Variants in CFAP70 observed in about 807,000 individuals in gnomAD.
The protein encoded by CFAP70 is cilia- and flagella-associated protein 70.
In CFAP70, 81 loss-of-function variants were observed where a neutral mutation model predicts 137.6. That is an observed-to-expected ratio of 0.59 (90% CI 0.49 to 0.71). CFAP70 has a LOEUF of 0.71. Ranked by LOEUF, CFAP70 falls within the 30% of genes least tolerant of loss-of-function variation. The pLI is 0.00. For missense variants in CFAP70, 976 were observed against 1,226.7 expected, an observed-to-expected ratio of 0.80 and a Z score of 3.05; for synonymous variants, 382 against 423.6, an observed-to-expected ratio of 0.90 and a Z score of 1.20.
At chr10:73,344,027 A>G (rs867846793) in intron 5 of CFAP70, among the ~76,000 whole-genome samples, 2 of 151,920 alleles carry the variant, frequency 1.3e-5, no homozygotes, top group Non-Finnish European at 2.9e-5. Context: ...TCTTGGCGCA[A>G]TCTTGGCTCA....
chr10:73,361,035 G>A (rs1413157518), upstream of CFAP70, among the ~76,000 whole-genome samples: 1 of 149,388 alleles, frequency 6.7e-6, no homozygotes, highest in African/African-American at 2.5e-5. Context: ...GTCTCACTCT[G>A]TAGCCCAGGC....
At chr10:73,272,225 C>G (rs1044562129) in intron 24 of CFAP70, among the ~76,000 whole-genome samples, 2 of 151,938 alleles carry the variant, frequency 1.3e-5, no homozygotes, top group Non-Finnish European at 1.5e-5. Context: ...ATCCCAGCTA[C>G]TCAGGAGGCT....
intron 1 of CFAP70, among the ~76,000 whole-genome samples, chr10:73,356,116 T>C (rs1468278821): frequency 6.6e-6 from 1 of 152,188 alleles, no homozygotes; most frequent in Admixed American, 6.5e-5. Context: ...TCAGATATAC[T>C]GTCAATTTTA....
intron 9 of CFAP70, among the ~76,000 whole-genome samples, chr10:73,320,568 A>C (rs1231726208): frequency 2.0e-5 from 3 of 152,014 alleles, no homozygotes; most frequent in African/African-American, 7.3e-5. Context: ...GGCTCAAGTG[A>C]TCCTCCCACC....
intron 12 of CFAP70, among the ~76,000 whole-genome samples, chr10:73,304,782 A>G (rs995749007): frequency 1.2e-4 from 18 of 152,184 alleles, no homozygotes; most frequent in Middle Eastern, 3.4e-3. Context: ...ATCAAGAGGT[A>G]AAGTCTAGAT....
intron 25 of CFAP70, among the ~76,000 whole-genome samples, chr10:73,260,039 A>T (rs895820245): frequency 6.6e-6 from 1 of 150,900 alleles, no homozygotes; most frequent in East Asian, 1.9e-4. Flanking sequence ...AAAAAAAAAG[A>T]AAAAAAAAGG....
At chr10:73,260,082 G>C (rs1023568182) in intron 25 of CFAP70, among the ~76,000 whole-genome samples, 1 of 151,974 alleles carries the variant, frequency 6.6e-6, no homozygotes, top group African/African-American at 2.4e-5. Context: ...GCTGGGCACA[G>C]AGGCTCATGC....
chr10:73,313,334 T>C (rs1216892649), intron 9 of CFAP70, among the ~76,000 whole-genome samples: 1 of 142,756 alleles, frequency 7.0e-6, no homozygotes. Context: ...ATCATGCCAC[T>C]GCTCTCCAGC....
At chr10:73,332,969 T>C (rs952550808) in intron 7 of CFAP70, among the ~76,000 whole-genome samples, 7 of 152,146 alleles carry the variant, frequency 4.6e-5, no homozygotes, top group African/African-American at 1.4e-4. Flanking sequence ...TTTGGAATTA[T>C]CAGATAGGAA....
At chr10:73,322,925 TA>T (rs761237540) in intron 9 of CFAP70, 37 bp downstream of exon 10, 1 of 1,551,806 alleles carries the variant, frequency 6.4e-7, no homozygotes, top group Non-Finnish European at 8.7e-7. Flanking sequence ...ATATAAAGGA[TA>T]AATTACCATG....
At chr10:73,351,071 G>GTGTGTATATATA (rs1422420902) in intron 3 of CFAP70, among the ~76,000 whole-genome samples, 2 of 31,388 alleles carry the variant, frequency 6.4e-5, no homozygotes, top group Non-Finnish European at 1.3e-4. Flanking sequence ...GTGTGTGTGT[G>GTGTGTATATATA]TATATATATA....
chr10:73,271,828 T>C (rs1003024446), intron 24 of CFAP70, among the ~76,000 whole-genome samples: 51 of 152,102 alleles, frequency 3.4e-4, no homozygotes, highest in Admixed American at 3.3e-3. Context: ...GCCTTCCAAG[T>C]ATCTGGGACT....
At chr10:73,279,922 G>A (rs567316644) in intron 19 of CFAP70, among the ~76,000 whole-genome samples, 1 of 151,626 alleles carries the variant, frequency 6.6e-6, no homozygotes, top group Non-Finnish European at 1.5e-5. Flanking sequence ...AGCCATGTAA[G>A]TATATGAAAA....
Position 73,351,939 on chromosome 10 carries a change from C to T in CFAP70, c.250+1617G>A, listed in dbSNP as rs955708014. Among the ~76,000 whole-genome samples the T allele has an allele frequency of 3.9e-5, 6 of 152,342 alleles. No individual in the cohort carries two copies. In the East Asian group the frequency reaches 9.6e-4, roughly 24 times the overall value. On this transcript the variant is annotated intron_variant, in intron 3 of 26. Coordinates refer to ENST00000310715, the Ensembl canonical transcript of CFAP70. ...ACAAGTTGGGGTGGAAGTCTAGGTT[C>T]CCTACTCAGCCTCCTCTGACACCTG...
At chr10:73,346,039 C>T (rs1476337232) in intron 4 of CFAP70, among the ~76,000 whole-genome samples, 2 of 151,236 alleles carry the variant, frequency 1.3e-5, no homozygotes, top group African/African-American at 2.4e-5. Flanking sequence ...GCTGGGAGTA[C>T]AGGCGCATGC....
At chr10:73,302,655 C>T (rs1259669644) in intron 12 of CFAP70, among the ~76,000 whole-genome samples, 1 of 152,014 alleles carries the variant, frequency 6.6e-6, no homozygotes, top group East Asian at 1.9e-4. Context: ...TTTATTTCAG[C>T]AATTAAAAAA....
At chr10:73,327,322 T>A (rs1034486111) in intron 8 of CFAP70, among the ~76,000 whole-genome samples, 40 of 150,052 alleles carry the variant, frequency 2.7e-4, no homozygotes, top group African/African-American at 8.9e-4. Context: ...AAATTAGGTA[T>A]TGATGGGACG....
intron 11 of CFAP70, 91 bp from the exon 13 acceptor site, chr10:73,310,340 T>C: frequency 1.3e-6 from 1 of 769,914 alleles, no homozygotes; most frequent in Non-Finnish European, 2.1e-6. Flanking sequence ...ATATAATAAG[T>C]GAGAAAACTG....
chr10:73,277,218 G>T lies in CFAP70; in HGVS notation c.2520+22C>A, dbSNP rs145607275. 1.6e-3 allele frequency: 2,533 copies of T among 1,599,340 alleles called. 47 individuals carry two copies. In the East Asian group the frequency reaches 0.033, roughly 21 times the overall value. ...TTTGCTAAAATCTTTCCATCTACTT[G>T]CCCTTTTCCAAATACTCTGACCTGC... On this transcript the variant is annotated intron_variant, in intron 21 of 26. Coordinates refer to ENST00000310715, the Ensembl canonical transcript of CFAP70.
Sources: allele counts gnomAD v4.1 joint callset (sites outside exome capture counted in the v4.1 genomes callset), GRCh38; gene constraint gnomAD v4.1.1; transcripts MANE v1.5; gene names NCBI Gene and HGNC (gene_info 2026-07-23, HGNC 2026-07-21).